SLC22A12: variants seen among roughly 807,000 people sequenced by gnomAD.
SLC22A12 encodes the protein organic anion transporter 4-like protein.
SLC22A12 carries 56 observed loss-of-function variants against 52.7 expected under a neutral mutation model. The observed-to-expected ratio is 1.06, with a 90% CI of 0.86 to 1.33. SLC22A12 has a LOEUF of 1.33. SLC22A12 is among the 40% of genes most tolerant of loss of function. The pLI is 0.00. For synonymous variants in SLC22A12, 337 were observed against 324.6 expected, an observed-to-expected ratio of 1.04 and a Z score of -0.41; for missense variants, 683 against 741.5, an observed-to-expected ratio of 0.92 and a Z score of 0.92.
At chr11:64,596,315 G>A (rs2039236735) in intron 4 of SLC22A12, among the ~76,000 whole-genome samples, 1 of 109,964 alleles carries the variant, frequency 9.1e-6, no homozygotes, top group Admixed American at 9.7e-5. Context: ...TGAATGGATG[G>A]TTGAATGGAT....
rs982063396 is a variant in SLC22A12 at position 64,602,143 on chromosome 11, C to A, written c.*592C>A. On this transcript the variant is annotated 3_prime_UTR_variant, in exon 10 of 10. Transcript: ENST00000377574. Reference sequence around the variant, plus strand: ...CCACTTAACCCCCAAACCCAGCCCCCCTTCCAGGGGTCCAGGGCCAGCCTG... The same window carrying A: ...CCACTTAACCCCCAAACCCAGCCCCACTTCCAGGGGTCCAGGGCCAGCCTG... 1.4e-4 allele frequency: 25 copies of A among 176,310 alleles called. No individual in the cohort carries two copies. The highest frequency in any genetic ancestry group is 5.5e-4 in the African/African-American group (23 of 42,106). 10.9% of individuals were successfully genotyped at this position (176,310 alleles called of 1,614,324 possible).
chr11:64,593,265 T>G (rs111898741), intron 2 of SLC22A12, 140 bp from the exon 3 acceptor site: 1 of 1,331,118 alleles, frequency 7.5e-7, no homozygotes, highest in African/African-American at 1.4e-5. Flanking sequence ...AGGTGGAGAA[T>G]GTAGGTTTCA....
At chr11:64,595,036 ATGGATGGATGGG>A (rs1459010096) in intron 4 of SLC22A12, among the ~76,000 whole-genome samples, 4 of 88,532 alleles carry the variant, frequency 4.5e-5, no homozygotes, top group Admixed American at 2.7e-4. Context: ...GAATAGATGG[ATGGATGGATGGG>A]TGGATGGATG....
At chr11:64,599,600 G>GTTCCCC in intron 6 of SLC22A12, 76 bp from the exon 7 acceptor site, 2 of 141,232 alleles carry the variant, frequency 1.4e-5, no homozygotes, top group South Asian at 9.9e-5. Context: ...AGCCCCCACC[G>GTTCCCC]CCCATTGTTC....
In SLC22A12 at chr11:64,598,678, C is replaced by T. The variant is rs143326959; in HGVS notation, c.954+39C>T. 675 of 1,601,698 alleles carry T rather than the reference C, an allele frequency of 4.2e-4. 6 individuals carry two copies. Among genetic ancestry groups the T allele is most frequent in the Admixed American group, 1.2e-4 (7 of 58,318 alleles). On this transcript the variant is annotated intron_variant, in intron 5 of 9. Transcript: ENST00000377574. ...CTCCTCAAACCCGGACCCTCAGACC[C>T]TCTCCCTGCCCCTGCATAGGGCACC...
In SLC22A12 at chr11:64,599,891, G is replaced by T. The variant is rs1218977227; in HGVS notation, c.1285+1G>T. ...CTGGCCAACACGCTGGTGCCCCACG[G>T]TGAGGGGGCAAAGCTGTACACCAGA... On this transcript the variant is annotated splice_donor_variant, in intron 7 of 9. Coordinates refer to ENST00000377574, the MANE Select transcript of SLC22A12 (RefSeq NM_144585.4). LOFTEE classifies it high-confidence loss of function. The T allele has an allele frequency of 8.1e-6, 13 of 1,611,988 alleles. No homozygotes were observed. The highest frequency in any genetic ancestry group is 1.1e-5 in the Non-Finnish European group (13 of 1,179,580).
intron 6 of SLC22A12, 40 bp from the exon 7 acceptor site, chr11:64,599,635 AC>A (rs1325158525): frequency 2.5e-4 from 5 of 19,980 alleles, no homozygotes; most frequent in Admixed American, 8.8e-4. Context: ...ACCCCCCCCC[AC>A]CCCCCACCCC....
chr11:64,596,261 T>TGGAATGGATGGATGGATGGATG (rs1554987896), intron 4 of SLC22A12, among the ~76,000 whole-genome samples: 189 of 90,852 alleles, frequency 2.1e-3, no homozygotes, highest in Non-Finnish European at 3.0e-3. Flanking sequence ...GATGGATGGA[T>TGGAATGGATGGATGGATGGATG]GGATGGATGG....
rs769832220 is a variant in SLC22A12 at position 64,593,489 on chromosome 11, C to G, written c.591C>G (p.Pro197=). ...CAGCTGCCTTCGCCCCTGCCTTCCC[C>G]GTGTACTGCCTGTTCCGCTTCCTGT... is the stretch of plus-strand genomic sequence containing the variant. ...GTAAAFAPAF[P]VYCLFRFLLA... is the part of the protein sequence containing the mutation. The change falls in exon 3 of 10, where the codon CCC becomes CCG. Residue 197 remains proline, a synonymous_variant. Coordinates refer to ENST00000377574, the MANE Select transcript of SLC22A12 (RefSeq NM_144585.4). 10 of 1,614,162 alleles carry G rather than the reference C, an allele frequency of 6.2e-6. No individual in the cohort carries two copies. Among genetic ancestry groups the G allele is most frequent in the Middle Eastern group, 1.6e-4 (1 of 6,062 alleles).
intron 4 of SLC22A12, among the ~76,000 whole-genome samples, chr11:64,595,013 GGATGGATGGTTGGAATA>G (rs1300347252): frequency 0.042 from 5,097 of 120,336 alleles, no homozygotes; most frequent in Non-Finnish European, 0.065. Context: ...ATGGATGGAT[GGATGGATGGTTGGAATA>G]GATGGATGGA....
rs374684921 is a variant in SLC22A12 at position 64,592,852 on chromosome 11, G to A, written c.476G>A (p.Gly159Glu). The change falls in exon 2 of 10, where the codon GGA becomes GAA. Residue 159 changes from glycine (G) to glutamate (E), a missense_variant. Physicochemically the swap from Gly to Glu is moderately conservative, Grantham distance 98. Coordinates refer to ENST00000377574, the MANE Select transcript of SLC22A12 (RefSeq NM_144585.4). ...ATCTACCTGGCTGGGATTCTGGTGG[G>A]AGCTGCTGCGTGCGGCCCTGCCTCA... ...QSIYLAGILV[G>E]AAACGPASDR... 1.3e-5 allele frequency: 21 copies of A among 1,613,772 alleles called. 1 individual carries two copies. The African/African-American group carries it at 2.8e-4, about 22-fold the overall frequency.
chr11:64,593,224 G>A (rs1254876119), intron 2 of SLC22A12, among the ~76,000 whole-genome samples, 181 bp from the exon 3 acceptor site: 1 of 152,374 alleles, frequency 6.6e-6, no homozygotes, highest in Non-Finnish European at 1.5e-5. Context: ...CTCTGGCCTC[G>A]GGACTCTCCT....
intron 1 of SLC22A12, 48 bp from the exon 2 acceptor site, chr11:64,592,731 C>G: frequency 6.6e-7 from 1 of 1,516,840 alleles, no homozygotes; most frequent in South Asian, 1.1e-5. Flanking sequence ...TGCCTCTCTG[C>G]TGGGGCTCTC....
chr11:64,595,338 A>G (rs1483683527), intron 4 of SLC22A12, among the ~76,000 whole-genome samples: 55 of 18,802 alleles, frequency 2.9e-3, no homozygotes, highest in African/African-American at 6.4e-3. Flanking sequence ...TGGATGGTTG[A>G]ATGGATGGTT....
chr11:64,598,507 C>T lies in SLC22A12; in HGVS notation c.831-9C>T, dbSNP rs1223872622. 4 of 1,569,752 alleles carry T rather than the reference C, an allele frequency of 2.5e-6. No homozygotes were observed. The highest frequency in any genetic ancestry group is 3.5e-6 in the Non-Finnish European group (4 of 1,158,630). On this transcript the variant is annotated splice_polypyrimidine_tract_variant and intron_variant, in intron 4 of 9. Transcript: ENST00000377574. ...GGCAATGACCCCTCCCACGCCCCCT[C>T]CACTTAAGGTGGCTGGCAGAGTCGG...
In SLC22A12 at chr11:64,600,801, G is replaced by A. The variant is rs940725547; in HGVS notation, c.1461G>A (p.Arg487=). The A allele has an allele frequency of 1.2e-6, 2 of 1,605,998 alleles. No homozygotes were observed. Among genetic ancestry groups the A allele is most frequent in the East Asian group, 4.5e-5 (2 of 44,880 alleles). Residue 487 remains arginine, a synonymous_variant, in exon 9 of 10, where the codon CGG becomes CGA. Coordinates refer to ENST00000377574, the MANE Select transcript of SLC22A12 (RefSeq NM_144585.4). ...RGGAILGPLV[R]LLGVHGPWLP... ...GAGCCATCCTGGGGCCTCTGGTCCGGCTGCTGGGTGTCCATGGCCCCTGGC... is the reference window on the plus strand; with the variant it reads ...GAGCCATCCTGGGGCCTCTGGTCCGACTGCTGGGTGTCCATGGCCCCTGGC...
In SLC22A12 at chr11:64,599,667, C is replaced by T; in HGVS notation, c.1071-9C>T. The T allele has an allele frequency of 7.6e-7, 1 of 1,313,456 alleles. No individual in the cohort carries two copies. Among genetic ancestry groups the T allele is most frequent in the Non-Finnish European group, 1.0e-6 (1 of 981,012 alleles). The allele number at this position is 1,313,456 out of a possible 1,614,324, so 81.4% of individuals were successfully genotyped here. The stretch of plus-strand genomic sequence containing the variant: ...ACCCCCACCCTGACTTCCCTGACCC[C>T]TGCCCCAGGTTCGCCTTTGGCTTCA... On this transcript the variant is annotated splice_polypyrimidine_tract_variant and intron_variant, in intron 6 of 9. Transcript: ENST00000377574.
chr11:64,600,328 G>T (rs2039410965), intron 7 of SLC22A12, 39 bp from the exon 8 acceptor site: 2 of 1,485,724 alleles, frequency 1.3e-6, no homozygotes, highest in East Asian at 4.6e-5. Context: ...CTGATCTTGG[G>T]CCCCCCACCA....
At chr11:64,601,418 G>T in intron 9 of SLC22A12, 70 bp from the exon 10 acceptor site, 1 of 1,517,706 alleles carries the variant, frequency 6.6e-7, no homozygotes, top group African/African-American at 1.4e-5. Flanking sequence ...GAGTCCTTGG[G>T]ATGGACACAG....
Sources: gnomAD v4.1 joint callset for allele counts (sites outside exome capture counted in the v4.1 genomes callset) on GRCh38, gnomAD v4.1.1 for gene constraint, MANE v1.5 for transcripts, NCBI Gene and HGNC (gene_info 2026-07-23, HGNC 2026-07-21) for gene names.